Variants in UBR3 observed in about 807,000 individuals in gnomAD.
UBR3 encodes the protein E3 ubiquitin-protein ligase UBR3.
A neutral mutation model predicts 243.2 loss-of-function variants in UBR3; 85 were observed. The ratio of observed to expected loss-of-function variants is 0.35; its 90% CI spans 0.29 to 0.42. The LOEUF (loss-of-function observed/expected upper bound fraction) is 0.42, where lower values mean the gene tolerates loss of function less well. Among genes scored for constraint, UBR3 ranks in the 10% least tolerant of loss-of-function variants. UBR3 has a pLI of 1.00. For missense variants in UBR3, 1,686 were observed against 2,300.8 expected (o/e 0.73, Z 5.47); for synonymous variants, 748 against 799.8 (o/e 0.94, Z 1.09).
rs914420531 is a variant in UBR3, at chr2:169,904,328, A to C, written c.1466-786A>C. 3.9e-5 allele frequency among the ~76,000 whole-genome samples: 6 copies of C among 152,324 alleles called. No homozygotes were observed. The South Asian group carries it at 1.2e-3, about 32-fold the overall frequency. The stretch of plus-strand genomic sequence containing the variant: ...TAACCATACGCCCCAGCCTGTGTAC[A>C]GGGAATGAGCTATGAGCCTTGAGCA... On this transcript the variant is annotated intron_variant, in intron 8 of 38. Transcript: ENST00000272793.
chr2:169,845,249 C>T (rs1422218953), intron 1 of UBR3, among the ~76,000 whole-genome samples: 1 of 151,696 alleles, frequency 6.6e-6, no homozygotes, highest in Middle Eastern at 3.2e-3. Context: ...ATGTTAAGAC[C>T]TCATCTTTAT....
intron 24 of UBR3, among the ~76,000 whole-genome samples, chr2:169,985,550 C>T (rs1479645534): frequency 6.6e-6 from 1 of 151,944 alleles, no homozygotes; most frequent in Non-Finnish European, 1.5e-5. Context: ...CTCTTAATGG[C>T]TTCTGGTACT....
intron 11 of UBR3, among the ~76,000 whole-genome samples, chr2:169,922,125 C>CA (rs1336593010): frequency 6.6e-6 from 1 of 151,388 alleles, no homozygotes; most frequent in East Asian, 1.9e-4. Context: ...CTGTCTCTAC[C>CA]AAAAACAGAA....
intron 5 of UBR3, among the ~76,000 whole-genome samples, chr2:169,883,152 A>G (rs1444314936): frequency 2.0e-5 from 3 of 152,308 alleles, no homozygotes; most frequent in Admixed American, 6.5e-5. Flanking sequence ...TACTTTGGTC[A>G]TCATATGTGG....
rs531811649 is a variant in UBR3, at chr2:170,063,847, A to G, written c.5019+2404A>G. On this transcript the variant is annotated intron_variant, in intron 35 of 38. Transcript: ENST00000272793. ...CTAATATGTTGTATATTGTAATATA[A>G]AGATTTCTTTAATATAAAGTTTCTC... Among the ~76,000 whole-genome samples the G allele has an allele frequency of 2.6e-5, 4 of 152,318 alleles. No homozygotes were observed. In the East Asian group the frequency reaches 5.8e-4, roughly 22 times the overall value.
chr2:169,985,688 A>G (rs1182842874), intron 24 of UBR3, among the ~76,000 whole-genome samples: 1 of 152,044 alleles, frequency 6.6e-6, no homozygotes, highest in African/African-American at 2.4e-5. Context: ...TCTTTGTGGC[A>G]TCTTTTTATT....
At chr2:170,028,419 T>C (rs1305129264) in intron 30 of UBR3, among the ~76,000 whole-genome samples, 1 of 151,792 alleles carries the variant, frequency 6.6e-6, no homozygotes, top group Admixed American at 6.6e-5. Flanking sequence ...GTAACAATAA[T>C]AGGTTTGTGT....
At chr2:169,939,434 ATTTTT>A (rs35441817) in intron 19 of UBR3, among the ~76,000 whole-genome samples, 1 of 141,568 alleles carries the variant, frequency 7.1e-6, no homozygotes, top group African/African-American at 2.6e-5. Flanking sequence ...AATTTTTTGT[ATTTTT>A]TTTTTTTTTA....
intron 1 of UBR3, among the ~76,000 whole-genome samples, chr2:169,871,844 C>G (rs556680756): frequency 7.9e-4 from 119 of 149,870 alleles, no homozygotes; most frequent in African/African-American, 2.9e-3. Context: ...CTTACCTATT[C>G]ATTAATGCAA....
intron 19 of UBR3, 74 bp from the exon 20 acceptor site, chr2:169,942,419 T>C (rs1381223326): frequency 5.7e-6 from 8 of 1,396,678 alleles, no homozygotes; most frequent in South Asian, 1.5e-5. Context: ...GAAATTGGTG[T>C]CTATAAATTA....
Position 169,994,304 on chromosome 2 carries a change from C to G in UBR3, c.3785-19C>G. The G allele has an allele frequency of 6.2e-7, 1 of 1,613,124 alleles. No individual in the cohort carries two copies. The highest frequency in any genetic ancestry group is 8.5e-7 in the Non-Finnish European group (1 of 1,179,378). On this transcript the variant is annotated intron_variant, in intron 25 of 38. Transcript: ENST00000272793. The stretch of plus-strand genomic sequence containing the variant: ...GCACTGATTATTTTTGATTAATGAG[C>G]TTTTATCTGTTAATGTAGTTTTGGG...
chr2:170,005,206 A>G (rs189822523), intron 27 of UBR3, among the ~76,000 whole-genome samples: 4 of 152,328 alleles, frequency 2.6e-5, no homozygotes, highest in African/African-American at 9.6e-5. Context: ...TCTGGGCAAT[A>G]GAGCAAGGCT....
chr2:169,999,943 A>G (rs879307685), intron 26 of UBR3, among the ~76,000 whole-genome samples: 16 of 152,166 alleles, frequency 1.1e-4, no homozygotes, highest in African/African-American at 3.9e-4. Context: ...CCTGACCAAC[A>G]TGGAGAAACC....
intron 32 of UBR3, among the ~76,000 whole-genome samples, chr2:170,052,177 A>G (rs1191796385): frequency 6.6e-6 from 1 of 152,104 alleles, no homozygotes; most frequent in Non-Finnish European, 1.5e-5. Context: ...TCTACCTCCA[A>G]AGGTCCATGA....
intron 10 of UBR3, 37 bp downstream of exon 10, chr2:169,906,201 A>G: frequency 6.6e-7 from 1 of 1,515,218 alleles, no homozygotes; most frequent in Non-Finnish European, 8.8e-7. Context: ...TCTGTGTTTA[A>G]GAAAAAGACT....
chr2:170,001,996 C>T (rs1471506234), intron 27 of UBR3, among the ~76,000 whole-genome samples: 1 of 146,782 alleles, frequency 6.8e-6, no homozygotes, highest in African/African-American at 2.5e-5. Flanking sequence ...GCACTTTAGA[C>T]TTTGCTACTC....
intron 35 of UBR3, among the ~76,000 whole-genome samples, chr2:170,063,046 G>A (rs949119641): frequency 1.3e-5 from 2 of 152,128 alleles, no homozygotes; most frequent in Non-Finnish European, 2.9e-5. Flanking sequence ...TTGTGTTTCA[G>A]GATAAAACCT....
At chr2:169,897,253 A>T (rs1218086784) in intron 8 of UBR3, among the ~76,000 whole-genome samples, 1 of 152,054 alleles carries the variant, frequency 6.6e-6, no homozygotes, top group Admixed American at 6.5e-5. Flanking sequence ...ACATGCTTAT[A>T]CTTTTATAAC....
chr2:169,855,605 G>A (rs2082813384), intron 1 of UBR3, among the ~76,000 whole-genome samples: 1 of 152,056 alleles, frequency 6.6e-6, no homozygotes, highest in Admixed American at 6.6e-5. Flanking sequence ...ATCTTGCACC[G>A]CCCTTAATCC....
Sources: gnomAD v4.1 joint callset for allele counts (sites outside exome capture counted in the v4.1 genomes callset) on GRCh38, gnomAD v4.1.1 for gene constraint, MANE v1.5 for transcripts, NCBI Gene and HGNC (gene_info 2026-07-23, HGNC 2026-07-21) for gene names.